Variants in CLSTN2 observed in about 807,000 individuals in gnomAD.
CLSTN2 encodes calsyntenin 2.
Under a neutral mutation model 101.2 loss-of-function variants are expected in CLSTN2, and 48 were observed. The observed-to-expected ratio is 0.47, with a 90% CI of 0.38 to 0.60. The LOEUF is 0.60. Ranked by LOEUF, CLSTN2 falls within the 20% of genes least tolerant of loss-of-function variation. The pLI, the probability that CLSTN2 is intolerant of heterozygous loss-of-function variation, is 0.00. For synonymous variants in CLSTN2, 481 were observed against 463.6 expected (o/e 1.04, Z -0.48); for missense variants, 1,160 against 1,238.2 (o/e 0.94, Z 0.95).
chr3:140,202,549 G>A (rs2107842060), intron 2 of CLSTN2, among the ~76,000 whole-genome samples: 1 of 152,334 alleles, frequency 6.6e-6, no homozygotes, highest in East Asian at 1.9e-4. Context: ...TCTGTCTGCT[G>A]TGCCTTATAG....
intron 1 of CLSTN2, among the ~76,000 whole-genome samples, chr3:140,171,775 G>A (rs1330140816): frequency 3.3e-4 from 27 of 81,976 alleles, no homozygotes; most frequent in African/African-American, 1.2e-3. Flanking sequence ...TATATAATAT[G>A]TATTATATAA....
chr3:140,406,334 G>C (rs2088301453), intron 4 of CLSTN2, among the ~76,000 whole-genome samples: 1 of 152,082 alleles, frequency 6.6e-6, no homozygotes, highest in Non-Finnish European at 1.5e-5. Context: ...ATCAGTCTTG[G>C]AAGACAGAAC....
At chr3:140,401,443 G>T (rs1380670759) in intron 2 of CLSTN2, among the ~76,000 whole-genome samples, 1 of 152,198 alleles carries the variant, frequency 6.6e-6, no homozygotes, top group African/African-American at 2.4e-5. Flanking sequence ...GAATTGAATT[G>T]TTCCGTAGAT....
chr3:140,049,251 C>G (rs2007941595), intron 1 of CLSTN2, among the ~76,000 whole-genome samples: 1 of 152,196 alleles, frequency 6.6e-6, no homozygotes, highest in African/African-American at 2.4e-5. Context: ...TCTTCGTCTT[C>G]CTGAAAGCTG....
intron 8 of CLSTN2, among the ~76,000 whole-genome samples, chr3:140,502,639 G>T (rs922330670): frequency 5.3e-5 from 8 of 152,208 alleles, no homozygotes; most frequent in Non-Finnish European, 1.0e-4. Context: ...CATCTATGAA[G>T]AATTTCAGGG....
intron 1 of CLSTN2, among the ~76,000 whole-genome samples, chr3:140,003,498 T>C (rs2006889874): frequency 6.6e-6 from 1 of 152,312 alleles, no homozygotes; most frequent in South Asian, 2.1e-4. Context: ...CACTTCTTCC[T>C]TTCCAATTTG....
chr3:140,357,866 T>G (rs2087690368), intron 2 of CLSTN2, among the ~76,000 whole-genome samples: 1 of 152,084 alleles, frequency 6.6e-6, no homozygotes, highest in South Asian at 2.1e-4. Flanking sequence ...ACTTTATGCT[T>G]AGGAAAAATT....
intron 1 of CLSTN2, among the ~76,000 whole-genome samples, chr3:140,054,308 A>G (rs2008056603): frequency 6.6e-6 from 1 of 152,168 alleles, no homozygotes; most frequent in Non-Finnish European, 1.5e-5. Context: ...GCTTAACCCT[A>G]AGTAACAGGC....
chr3:140,124,445 G>T (rs960144066), intron 1 of CLSTN2, among the ~76,000 whole-genome samples: 2 of 152,186 alleles, frequency 1.3e-5, no homozygotes, highest in Admixed American at 6.5e-5. Flanking sequence ...ATGCCAGCTT[G>T]CTCCAGGGCA....
At chr3:140,082,233 T>A (rs2008610090) in intron 1 of CLSTN2, among the ~76,000 whole-genome samples, 1 of 152,310 alleles carries the variant, frequency 6.6e-6, no homozygotes, top group East Asian at 1.9e-4. Flanking sequence ...CTGAAGTTAT[T>A]TGACTACTGG....
In CLSTN2 at chr3:140,562,697, T is replaced by G. The variant is rs1935942924; in HGVS notation, c.2213-114T>G. The G allele has an allele frequency of 1.4e-5, 16 of 1,161,986 alleles. No individual in the cohort carries two copies. The East Asian group carries it at 3.8e-4, about 28-fold the overall frequency. 72.0% of individuals were successfully genotyped at this position (1,161,986 alleles called of 1,614,324 possible). A position where few individuals can be genotyped will look rare whatever the true frequency, so the allele number is the denominator to read the frequency against. On this transcript the variant is annotated intron_variant, in intron 13 of 16. Coordinates refer to ENST00000458420, the MANE Select transcript of CLSTN2 (RefSeq NM_022131.3). ...CCCAAAATATCTTGAGCTCTTACCC[T>G]CAACAAATTTACAAGACCCATGAGG...
intron 1 of CLSTN2, among the ~76,000 whole-genome samples, chr3:140,167,312 T>C (rs2010149907): frequency 6.6e-6 from 1 of 152,220 alleles, no homozygotes; most frequent in Non-Finnish European, 1.5e-5. Context: ...CCATCCACGT[T>C]CTTCTGCCTG....
At position 140,184,176 on chromosome 3, in the gene CLSTN2, G is replaced by C. The variant is rs1190198270; in HGVS notation, c.232+8103G>C. ...GTGTGTTCTTCCAGCAGGCTACCCT[G>C]AGCTTATTCCTTAAAGTGCAGAAAT... On this transcript the variant is annotated intron_variant, in intron 2 of 16. Transcript: ENST00000458420. Among the ~76,000 whole-genome samples, 4 of 152,178 alleles carry C rather than the reference G, an allele frequency of 2.6e-5. No individual in the cohort carries two copies. In the East Asian group the frequency reaches 5.8e-4, roughly 22 times the overall value.
chr3:140,146,047 G>A (rs1276264541), intron 1 of CLSTN2, among the ~76,000 whole-genome samples: 3 of 152,186 alleles, frequency 2.0e-5, no homozygotes. Flanking sequence ...AAGACTCCGG[G>A]AAAACCTTTC....
At chr3:140,172,240 G>C (rs1356341391) in intron 1 of CLSTN2, among the ~76,000 whole-genome samples, 1 of 115,896 alleles carries the variant, frequency 8.6e-6, no homozygotes, top group African/African-American at 3.1e-5. Context: ...GAGCGGGGGG[G>C]ACTAAAAAAG....
At chr3:140,191,674 T>A (rs2010567955) in intron 2 of CLSTN2, among the ~76,000 whole-genome samples, 1 of 151,972 alleles carries the variant, frequency 6.6e-6, no homozygotes, top group African/African-American at 2.4e-5. Context: ...CAAATCTATG[T>A]GTTGACAAAT....
At chr3:140,362,025 G>A (rs2087735466) in intron 2 of CLSTN2, among the ~76,000 whole-genome samples, 1 of 152,092 alleles carries the variant, frequency 6.6e-6, no homozygotes, top group Non-Finnish European at 1.5e-5. Flanking sequence ...TTTTGAAAAG[G>A]AATAACGAAG....
chr3:140,096,785 G>A (rs116603597), intron 1 of CLSTN2, among the ~76,000 whole-genome samples: 4,272 of 152,242 alleles, frequency 0.028, 175 homozygotes, highest in African/African-American at 0.095. Context: ...TGATCTCTTC[G>A]TCTGGAATAG....
chr3:140,478,708 C>A (rs1467877172), intron 8 of CLSTN2, among the ~76,000 whole-genome samples: 1 of 150,618 alleles, frequency 6.6e-6, no homozygotes, highest in East Asian at 2.0e-4. Flanking sequence ...TATACACTTA[C>A]AACGAGTGAA....
Sources: allele counts gnomAD v4.1 joint callset (sites outside exome capture counted in the v4.1 genomes callset), GRCh38; gene constraint gnomAD v4.1.1; transcripts MANE v1.5; gene names NCBI Gene and HGNC (gene_info 2026-07-23, HGNC 2026-07-21).